The following PTPRG variants were observed in gnomAD, a reference collection of about 807,000 sequenced individuals.
PTPRG encodes the protein receptor-type tyrosine-protein phosphatase gamma.
PTPRG carries 102 observed loss-of-function variants against 165.3 expected under a neutral mutation model. That is an observed-to-expected ratio of 0.62 (90% CI 0.53 to 0.73). The LOEUF is 0.73. PTPRG is among the 30% of genes least tolerant of loss of function. The probability of loss-of-function intolerance (pLI) is 0.00; values close to 1 mark genes in which losing one functional copy is unlikely to be tolerated. For missense variants in PTPRG, 1,866 were observed against 1,861.4 expected, an observed-to-expected ratio of 1.00 and a Z score of -0.05; for synonymous variants, 675 against 669.5, an observed-to-expected ratio of 1.01 and a Z score of -0.13.
chr3:62,005,291 C>A (rs921036144), intron 4 of PTPRG, among the ~76,000 whole-genome samples: 2 of 152,194 alleles, frequency 1.3e-5, no homozygotes, highest in African/African-American at 4.8e-5. Flanking sequence ...TGGAATGAAT[C>A]ATTTCTTAGA....
Position 62,082,852 on chromosome 3 carries a change from G to A in PTPRG, c.615+4594G>A, listed in dbSNP as rs1701626684. ...CAGCTCTAGAAGGTGCGCTCCCTTC[G>A]TAGCCACTGGTTAAGTGTAATATTA... On this transcript the variant is annotated intron_variant, in intron 5 of 29. Coordinates refer to ENST00000474889, the MANE Select transcript of PTPRG (RefSeq NM_002841.4). Among the ~76,000 whole-genome samples, 3 of 152,300 alleles carry A rather than the reference G, an allele frequency of 2.0e-5. No individual in the cohort carries two copies. In the South Asian group the frequency reaches 6.2e-4, roughly 32 times the overall value.
intron 2 of PTPRG, among the ~76,000 whole-genome samples, chr3:61,854,675 G>C (rs185388016): frequency 2.0e-5 from 3 of 152,314 alleles, no homozygotes; most frequent in Admixed American, 6.5e-5. Context: ...TGAGATACAG[G>C]AAGGTCTTTT....
At chr3:61,681,523 A>C (rs1703439880) in intron 1 of PTPRG, among the ~76,000 whole-genome samples, 1 of 152,174 alleles carries the variant, frequency 6.6e-6, no homozygotes. Context: ...CTTCAGAGGA[A>C]GCATTGTCAT....
At chr3:61,909,519 T>A (rs886467795) in intron 2 of PTPRG, among the ~76,000 whole-genome samples, 4 of 152,086 alleles carry the variant, frequency 2.6e-5, no homozygotes, top group African/African-American at 7.2e-5. Flanking sequence ...GACTAATTTT[T>A]AAAAATTTTT....
rs77026372 is a variant in PTPRG, at chr3:62,202,994, A to G, written c.1378-179A>G. Among the ~76,000 whole-genome samples, 744 of 152,268 alleles carry G rather than the reference A, an allele frequency of 4.9e-3. 6 individuals carry two copies. The highest frequency in any genetic ancestry group is 0.022 in the South Asian group (106 of 4,820). ...ATAAAACCATTAAAAATAAAAGTTG[A>G]TCACCCATGGACCACCTAATGTCAA... On this transcript the variant is annotated intron_variant, in intron 11 of 29. Transcript: ENST00000474889.
intron 1 of PTPRG, among the ~76,000 whole-genome samples, chr3:61,726,135 T>A (rs2032245551): frequency 6.6e-6 from 1 of 152,230 alleles, no homozygotes; most frequent in Admixed American, 6.5e-5. Flanking sequence ...TGGATCATCA[T>A]ACTCTATGAC....
chr3:61,776,677 A>G (rs2034394200), intron 2 of PTPRG, among the ~76,000 whole-genome samples: 1 of 151,920 alleles, frequency 6.6e-6, no homozygotes, highest in Admixed American at 6.6e-5. Flanking sequence ...GCTTGCAATT[A>G]TCTGTAGCCT....
At chr3:62,220,332 G>C (rs922680377) in intron 13 of PTPRG, among the ~76,000 whole-genome samples, 3 of 152,242 alleles carry the variant, frequency 2.0e-5, no homozygotes, top group Non-Finnish European at 2.9e-5. Flanking sequence ...CTTGGCTGCT[G>C]TGTTGAATAC....
intron 5 of PTPRG, among the ~76,000 whole-genome samples, chr3:62,126,924 G>C (rs969157771): frequency 6.6e-6 from 1 of 152,172 alleles, no homozygotes; most frequent in Non-Finnish European, 1.5e-5. Context: ...GCAGTGATAA[G>C]AGACACTAGA....
intron 2 of PTPRG, among the ~76,000 whole-genome samples, chr3:61,951,103 A>G (rs1018331834): frequency 6.6e-6 from 1 of 152,234 alleles, no homozygotes; most frequent in Non-Finnish European, 1.5e-5. Flanking sequence ...ACAGTAAGTC[A>G]TTCATTGTTA....
rs553120878 is a variant in PTPRG at position 61,628,411 on chromosome 3, GTTCAAGTGA to G, written c.85+66043_85+66051del. Among the ~76,000 whole-genome samples, 22 of 152,216 alleles carry G rather than the reference GTTCAAGTGA, an allele frequency of 1.4e-4. No homozygotes were observed. In the South Asian group the frequency reaches 3.7e-3, roughly 26 times the overall value. On this transcript the variant is annotated intron_variant, in intron 1 of 29. Coordinates refer to ENST00000474889, the MANE Select transcript of PTPRG (RefSeq NM_002841.4). ...GGCTCACTGCAGCCTCTGCCTCCTG[GTTCAAGTGA>G]TTCTCCTGCCTCAGCCTCCCGAGTA...
chr3:61,563,412 C>T (rs1386049830), intron 1 of PTPRG, among the ~76,000 whole-genome samples: 1 of 152,158 alleles, frequency 6.6e-6, no homozygotes, highest in Admixed American at 6.5e-5. Flanking sequence ...TCCTCTCTCC[C>T]CTGGGGAGGG....
At chr3:61,567,527 T>C (rs1396184093) in intron 1 of PTPRG, among the ~76,000 whole-genome samples, 2 of 151,126 alleles carry the variant, frequency 1.3e-5, no homozygotes, top group Admixed American at 1.3e-4. Flanking sequence ...AAAGAAAAAT[T>C]AGCTGGGTGC....
intron 5 of PTPRG, among the ~76,000 whole-genome samples, chr3:62,079,371 A>G (rs749804429): frequency 4.7e-4 from 72 of 152,230 alleles, no homozygotes; most frequent in Admixed American, 9.2e-4. Context: ...GTTTTCAAAC[A>G]GTGGGTTCTA....
intron 2 of PTPRG, among the ~76,000 whole-genome samples, chr3:61,943,072 A>C (rs2039672907): frequency 1.3e-5 from 2 of 152,182 alleles, no homozygotes; most frequent in South Asian, 4.1e-4. Flanking sequence ...GTTCAAGTGA[A>C]TTGTGTATAA....
chr3:61,986,236 T>G (rs1281247098), intron 2 of PTPRG, among the ~76,000 whole-genome samples: 1 of 151,278 alleles, frequency 6.6e-6, no homozygotes, highest in African/African-American at 2.5e-5. Flanking sequence ...AAATATGTTT[T>G]AAGGGCTTAC....
chr3:61,625,080 C>G (rs1018845076), intron 1 of PTPRG, among the ~76,000 whole-genome samples: 9 of 151,796 alleles, frequency 5.9e-5, no homozygotes, highest in Non-Finnish European at 4.4e-5. Flanking sequence ...CATATTTTCT[C>G]TCTTTTCAAG....
chr3:62,243,719 G>A, intron 14 of PTPRG, 88 bp from the exon 15 acceptor site: 1 of 813,840 alleles, frequency 1.2e-6, no homozygotes, highest in Admixed American at 2.5e-5. Context: ...GTTTAAAGCT[G>A]GGAAGATCTA....
chr3:61,983,498 G>T (rs1216142674), intron 2 of PTPRG, among the ~76,000 whole-genome samples: 2 of 151,986 alleles, frequency 1.3e-5, no homozygotes, highest in African/African-American at 4.8e-5. Context: ...TATTAGTTTT[G>T]TTTTTAATTA....
Sources: gnomAD v4.1 joint callset for allele counts (sites outside exome capture counted in the v4.1 genomes callset) on GRCh38, gnomAD v4.1.1 for gene constraint, MANE v1.5 for transcripts, NCBI Gene and HGNC (gene_info 2026-07-23, HGNC 2026-07-21) for gene names.